CYP2A6: variants seen among roughly 807,000 people sequenced by gnomAD.
The protein encoded by CYP2A6 is cytochrome P450 family 2 subfamily A member 6, also known as cytochrome P450 2A6.
A neutral mutation model predicts 42.3 loss-of-function variants in CYP2A6; 27 were observed. The observed-to-expected ratio is 0.64, with a 90% CI of 0.47 to 0.88. The LOEUF (loss-of-function observed/expected upper bound fraction) is 0.88. CYP2A6 is among the 40% of genes least tolerant of loss of function. The pLI, the probability that CYP2A6 is intolerant of heterozygous loss-of-function variation, is 0.00. For missense variants in CYP2A6, 628 were observed against 646.0 expected, an observed-to-expected ratio of 0.97 and a Z score of 0.30; for synonymous variants, 238 against 246.3, an observed-to-expected ratio of 0.97 and a Z score of 0.31.
At chr19:40,846,358 T>G (rs4514794) in intron 5 of CYP2A6, among the ~76,000 whole-genome samples, 10,953 of 150,980 alleles carry the variant, frequency 0.073, 581 homozygotes, top group Non-Finnish European at 0.078. Flanking sequence ...TTTTGTTTTT[T>G]TTTTTCTTAT....
chr19:40,847,045 C>T lies in CYP2A6; in HGVS notation c.661G>A (p.Glu221Lys), dbSNP rs1355987013. The T allele has an allele frequency of 1.9e-5, 30 of 1,611,362 alleles. No individual in the cohort carries two copies. The highest frequency in any genetic ancestry group is 2.3e-5 in the Non-Finnish European group (27 of 1,179,630). ...TGTTTCATCACCGAAGAGAACATCT[C>T]ATAGAGCTGGGGTTGCAGAGAGAGG... ...FTSTSTGQLY[E>K]MFSSVMKHLP... is the part of the protein sequence containing the mutation. Residue 221 changes from glutamate to lysine, a missense_variant, in exon 5 of 9, where the codon GAG becomes AAG. Transcript: ENST00000301141.
chr19:40,848,895 G>T, intron 2 of CYP2A6, 132 bp from the exon 3 acceptor site: 2 of 1,010,332 alleles, frequency 2.0e-6, no homozygotes, highest in Non-Finnish European at 2.8e-6. Context: ...CAGCGCCATT[G>T]CCCAGCAGAG....
Position 40,849,809 on chromosome 19 carries a change from C to T in CYP2A6, c.343+9G>A, listed in dbSNP as rs1222544279. 1.3e-6 allele frequency: 2 copies of T among 1,587,012 alleles called. No homozygotes were observed. The highest frequency in any genetic ancestry group is 8.5e-7 in the Non-Finnish European group (1 of 1,178,128). On this transcript the variant is annotated intron_variant, in intron 2 of 8. Coordinates refer to ENST00000301141, the MANE Select transcript of CYP2A6 (RefSeq NM_000762.6). ...CTGGCCACCTTCCCCCTCTTGGGCA[C>T]CCCCTCACCATAGCCTTTGAAGACC... is the stretch of plus-strand genomic sequence containing the variant.
intron 5 of CYP2A6, among the ~76,000 whole-genome samples, chr19:40,846,476 A>T (rs986805039): frequency 1.3e-5 from 2 of 151,128 alleles, no homozygotes; most frequent in Non-Finnish European, 2.9e-5. Context: ...GCGCATGACC[A>T]TGCAGGCTCA....
intron 7 of CYP2A6, chr19:40,845,010 C>T (rs2083448570): frequency 6.1e-6 from 4 of 655,922 alleles, no homozygotes; most frequent in Non-Finnish European, 7.6e-6. Flanking sequence ...CCTGAGATTT[C>T]TGTCCCTATG....
chr19:40,845,290 G>T lies in CYP2A6; in HGVS notation c.1161+4C>A, dbSNP rs201588233. ...GTAGTCTGGGGGGTGGGGGCGGATA[G>T]CACCTTAGGGAGGAAGAAATCCCGA... On this transcript the variant is annotated splice_donor_region_variant and intron_variant, in intron 7 of 8. Coordinates refer to ENST00000301141, the MANE Select transcript of CYP2A6 (RefSeq NM_000762.6). 1 of 1,611,608 alleles carries T rather than the reference G, an allele frequency of 6.2e-7. No individual in the cohort carries two copies. The highest frequency in any genetic ancestry group is 8.5e-7 in the Non-Finnish European group (1 of 1,179,848).
At chr19:40,844,432 A>T (rs1165345795) in intron 8 of CYP2A6, among the ~76,000 whole-genome samples, 199 bp downstream of exon 8, 2 of 151,310 alleles carry the variant, frequency 1.3e-5, no homozygotes, top group African/African-American at 2.4e-5. Context: ...ACGGGGAAAG[A>T]TGTTTCCTTT....
chr19:40,844,734 T>C lies in CYP2A6; in HGVS notation c.1200A>G (p.Arg400=), dbSNP rs1284742892. 2 of 1,611,504 alleles carry C rather than the reference T, an allele frequency of 1.2e-6. No homozygotes were observed. Among genetic ancestry groups the C allele is most frequent in the African/African-American group, 2.7e-5 (2 of 74,562 alleles). Residue 400 remains arginine, a synonymous_variant, in exon 8 of 9, where the codon AGA becomes AGG. Coordinates refer to ENST00000301141, the MANE Select transcript of CYP2A6 (RefSeq NM_000762.6). ...GGGGGTTGGAGAAGAAACTGGGGTC[T>C]CTCAGCACAGAGCCCAGCATAGGGT... is the stretch of plus-strand genomic sequence containing the variant. ...EVYPMLGSVL[R]DPSFFSNPQD... is the part of the protein sequence containing the mutation.
At position 40,844,743 on chromosome 19, in the gene CYP2A6, A is replaced by G. The variant is rs28399461; in HGVS notation, c.1191T>C (p.Ser397=). 0.016 allele frequency: 25,506 copies of G among 1,607,782 alleles called. 1,199 individuals are homozygous for G. Among genetic ancestry groups the G allele is most frequent in the African/African-American group, 0.13 (9,947 of 74,624 alleles). Reference sequence around the variant, plus strand: ...AGAAGAAACTGGGGTCTCTCAGCACAGAGCCCAGCATAGGGTACACTTCGG... The same window carrying G: ...AGAAGAAACTGGGGTCTCTCAGCACGGAGCCCAGCATAGGGTACACTTCGG... ...KGTEVYPMLG[S]VLRDPSFFSN... The change falls in exon 8 of 9, where the codon TCT becomes TCC. Residue 397 remains serine (S), a synonymous_variant. Coordinates refer to ENST00000301141, the MANE Select transcript of CYP2A6 (RefSeq NM_000762.6).
At chr19:40,847,250 A>G (rs1358935883) in intron 4 of CYP2A6, among the ~76,000 whole-genome samples, 199 bp from the exon 5 acceptor site, 1 of 151,708 alleles carries the variant, frequency 6.6e-6, no homozygotes, top group Admixed American at 6.6e-5. Flanking sequence ...CGGTCTAGTA[A>G]TTTAGGTGAG....
Position 40,846,049 on chromosome 19 carries a change from T to G in CYP2A6, c.880A>C (p.Thr294Pro). 4 of 1,611,474 alleles carry G rather than the reference T, an allele frequency of 2.5e-6. No individual in the cohort carries two copies. Residue 294 changes from threonine (T) to proline (P), a missense_variant, in exon 6 of 9, where the codon ACC becomes CCC. Physicochemically the swap from Thr to Pro is conservative, Grantham distance 38 (BLOSUM62 -1). Around this residue, in one of 2 missense-constraint regions of CYP2A6, gnomAD observed 606 missense variants for 568.1 expected, o/e 1.07. Transcript: ENST00000301141. Reference protein sequence around the residue: ...TEFYLKNLVMTTLNLFIGGTE... With the variant: ...TEFYLKNLVMPTLNLFIGGTE... Reference sequence around the variant, plus strand: ...CCCCCAATGAAGAGGTTCAACGTGGTCATCACCAGGTTTTTCAAGTAGAAC... The same window carrying G: ...CCCCCAATGAAGAGGTTCAACGTGGGCATCACCAGGTTTTTCAAGTAGAAC...
intron 8 of CYP2A6, among the ~76,000 whole-genome samples, 164 bp downstream of exon 8, chr19:40,844,467 G>A (rs1334773926): frequency 6.6e-6 from 1 of 151,326 alleles, no homozygotes; most frequent in Admixed American, 6.6e-5. Context: ...GCAGGTACTG[G>A]GTGCTTGGTA....
intron 7 of CYP2A6, 59 bp downstream of exon 7, chr19:40,845,235 T>C: frequency 6.2e-7 from 1 of 1,600,040 alleles, no homozygotes; most frequent in Non-Finnish European, 8.5e-7. Context: ...GGTGGGATGC[T>C]GGGGACACAG....
At chr19:40,848,810 G>T (rs766451253) in intron 2 of CYP2A6, 47 bp from the exon 3 acceptor site, 1 of 1,571,208 alleles carries the variant, frequency 6.4e-7, no homozygotes, top group Non-Finnish European at 8.6e-7. Flanking sequence ...GGGCGGCAGG[G>T]GCAGGAGCGG....
chr19:40,850,127 T>C (rs1967193970), intron 1 of CYP2A6, 120 bp downstream of exon 1: 2 of 1,527,264 alleles, frequency 1.3e-6, no homozygotes, highest in Non-Finnish European at 1.8e-6. Context: ...TTTCTGATGC[T>C]GAAACTCCAA....
chr19:40,843,572 C>T lies in CYP2A6; in HGVS notation c.*224G>A. The T allele has an allele frequency of 1.3e-6, 1 of 784,054 alleles. No individual in the cohort carries two copies. Among genetic ancestry groups the T allele is most frequent in the Non-Finnish European group, 2.0e-6 (1 of 507,666 alleles). 48.6% of individuals were successfully genotyped at this position (784,054 alleles called of 1,614,324 possible). A position where few individuals can be genotyped will look rare whatever the true frequency, so the allele number is the denominator to read the frequency against. On this transcript the variant is annotated 3_prime_UTR_variant, in exon 9 of 9. Transcript: ENST00000301141. ...AATAAGAGCTGCTATTATTACTACT[C>T]TTCATAGCATAATGTAAGGGTTTCC...
intron 4 of CYP2A6, 114 bp downstream of exon 4, chr19:40,848,105 T>G: frequency 1.3e-6 from 2 of 1,542,892 alleles, no homozygotes; most frequent in Non-Finnish European, 1.8e-6. Context: ...CGGGGACTGA[T>G]TTTGAGGGGA....
intron 7 of CYP2A6, 82 bp downstream of exon 7, chr19:40,845,212 A>G: frequency 6.4e-7 from 1 of 1,570,378 alleles, no homozygotes; most frequent in Middle Eastern, 1.7e-4. Flanking sequence ...GGGTCTAGAA[A>G]GCTTCTAATG....
At chr19:40,845,750 G>C (rs2083453197) in intron 6 of CYP2A6, among the ~76,000 whole-genome samples, 1 of 151,470 alleles carries the variant, frequency 6.6e-6, no homozygotes, top group African/African-American at 2.4e-5. Context: ...TGGGACAGAA[G>C]TGACTGACCA....
Sources: allele counts gnomAD v4.1 joint callset (sites outside exome capture counted in the v4.1 genomes callset), GRCh38; gene constraint gnomAD v4.1.1; regional missense constraint gnomAD v4.1.1; transcripts MANE v1.5; gene names NCBI Gene and HGNC (gene_info 2026-07-23, HGNC 2026-07-21).